The following ENTPD6 variants were observed in gnomAD, a reference collection of about 807,000 sequenced individuals.
The protein encoded by ENTPD6 is ectonucleoside triphosphate diphosphohydrolase 6.
In ENTPD6, 46 loss-of-function variants were observed where a neutral mutation model predicts 61.5. That is an observed-to-expected ratio of 0.75 (90% confidence interval 0.59 to 0.96). The LOEUF (loss-of-function observed/expected upper bound fraction) is 0.96, where lower values mean the gene tolerates loss of function less well. ENTPD6 is among the 40% of genes least tolerant of loss of function. The pLI is 0.00. For missense variants in ENTPD6, 612 were observed against 629.0 expected (o/e 0.97, Z 0.29); for synonymous variants, 252 against 255.5 (o/e 0.99, Z 0.13).
rs41310173 is a variant in ENTPD6 at position 25,226,033 on chromosome 20, G to A, written c.*436G>A. On this transcript the variant is annotated 3_prime_UTR_variant, in exon 15 of 15. Transcript: ENST00000376652. Reference sequence around the variant, plus strand: ...CCCTTCCTGCAAGAGTCTGGGAGGCGGTGCAGGCTGTCCTGGCTGCTCTGG... The same window carrying A: ...CCCTTCCTGCAAGAGTCTGGGAGGCAGTGCAGGCTGTCCTGGCTGCTCTGG... 4,837 of 157,134 alleles carry A rather than the reference G, an allele frequency of 0.031. 90 individuals carry two copies. Among genetic ancestry groups the A allele is most frequent in the Middle Eastern group, 0.048 (15 of 310 alleles). 9.7% of individuals were successfully genotyped at this position (157,134 alleles called of 1,614,324 possible). A position where few individuals can be genotyped will look rare whatever the true frequency, so the allele number is the denominator to read the frequency against.
chr20:25,213,479 T>C (rs1445973353), intron 5 of ENTPD6, 73 bp downstream of exon 5: 6 of 1,478,432 alleles, frequency 4.1e-6, no homozygotes, highest in Non-Finnish European at 4.6e-6. Context: ...AACTGCTGTC[T>C]CACCAGTGCC....
chr20:25,203,750 G>A (rs1176384990), intron 1 of ENTPD6, among the ~76,000 whole-genome samples: 1 of 152,164 alleles, frequency 6.6e-6, no homozygotes, highest in Non-Finnish European at 1.5e-5. Flanking sequence ...TCAGGGATGG[G>A]TTCTGCCACT....
chr20:25,212,071 A>G (rs1469982329), intron 4 of ENTPD6, among the ~76,000 whole-genome samples: 1 of 152,202 alleles, frequency 6.6e-6, no homozygotes, highest in Non-Finnish European at 1.5e-5. Flanking sequence ...CGGCCTCCCA[A>G]GATGAATTAC....
At chr20:25,223,013 G>A (rs756369340) in intron 12 of ENTPD6, 35 bp downstream of exon 12, 36 of 1,564,400 alleles carry the variant, frequency 2.3e-5, no homozygotes, top group Middle Eastern at 2.3e-4. Context: ...CAGGAAGGTC[G>A]GGGCGGCAGG....
intron 1 of ENTPD6, among the ~76,000 whole-genome samples, chr20:25,198,472 ACT>A (rs2090720944): frequency 6.6e-6 from 1 of 151,244 alleles, no homozygotes; most frequent in Non-Finnish European, 1.5e-5. Flanking sequence ...AGAGAGTGAG[ACT>A]CTGTCTCAAA....
At chr20:25,217,881 C>A (rs933893124) in intron 9 of ENTPD6, among the ~76,000 whole-genome samples, 2 of 144,812 alleles carry the variant, frequency 1.4e-5, no homozygotes, top group African/African-American at 5.2e-5. Flanking sequence ...TAACCCAGAC[C>A]TCTCTCTCCT....
chr20:25,224,162 G>A lies in ENTPD6; in HGVS notation c.1243+5G>A, dbSNP rs1388961139. On this transcript the variant is annotated splice_donor_5th_base_variant and intron_variant, in intron 13 of 14. Transcript: ENST00000376652. Reference sequence around the variant, plus strand: ...TCGAGATCGCAGCCAAGTACGGTGAGTGATGCTGCAGGGGCCATCTCAGCA... The same window carrying A: ...TCGAGATCGCAGCCAAGTACGGTGAATGATGCTGCAGGGGCCATCTCAGCA... The A allele has an allele frequency of 4.3e-6, 7 of 1,611,496 alleles. No individual in the cohort carries two copies. The highest frequency in any genetic ancestry group is 2.2e-5 in the East Asian group (1 of 44,750).
At position 25,218,044 on chromosome 20, in the gene ENTPD6, C is replaced by A. The variant is rs61427951; in HGVS notation, c.878+463C>A. 7.6e-3 allele frequency among the ~76,000 whole-genome samples: 1,061 copies of A among 139,406 alleles called. 17 individuals carry two copies. Among genetic ancestry groups the A allele is most frequent in the African/African-American group, 0.029 (988 of 33,686 alleles). The allele number at this position is 139,406 out of a possible 152,430, so 91.5% of individuals were successfully genotyped here. Reference sequence around the variant, plus strand: ...AATGTGTCTACAGTATACGCACATTCACCCAGACCTCTCTCTCCTCCTCCT... The same window carrying A: ...AATGTGTCTACAGTATACGCACATTAACCCAGACCTCTCTCTCCTCCTCCT... On this transcript the variant is annotated intron_variant, in intron 9 of 14. Transcript: ENST00000376652.
intron 1 of ENTPD6, among the ~76,000 whole-genome samples, chr20:25,205,709 T>A (rs1222188500): frequency 6.6e-6 from 1 of 152,180 alleles, no homozygotes; most frequent in Non-Finnish European, 1.5e-5. Context: ...TTTTCCTGTC[T>A]CCTGCTCCAG....
Position 25,225,781 on chromosome 20 carries a change from G to T in ENTPD6, c.*184G>T, listed in dbSNP as rs2092782196. 1 of 587,510 alleles carries T rather than the reference G, an allele frequency of 1.7e-6. No individual in the cohort carries two copies. Among genetic ancestry groups the T allele is most frequent in the Non-Finnish European group, 3.0e-6 (1 of 332,436 alleles). The allele number at this position is 587,510 out of a possible 1,614,324, so 36.4% of individuals were successfully genotyped here. ...CATCAGCCTCTTCCAGTCACATCTGGCCAGAGGGCTGTCTGGACCTGGGCC... is the reference window on the plus strand; with the variant it reads ...CATCAGCCTCTTCCAGTCACATCTGTCCAGAGGGCTGTCTGGACCTGGGCC... On this transcript the variant is annotated 3_prime_UTR_variant, in exon 15 of 15. Transcript: ENST00000376652.
In ENTPD6 at chr20:25,221,226, T is replaced by C; in HGVS notation, c.944-6T>C. On this transcript the variant is annotated splice_region_variant and splice_polypyrimidine_tract_variant and intron_variant, in intron 10 of 14. Coordinates refer to ENST00000376652, the MANE Select transcript of ENTPD6 (RefSeq NM_001247.5). ...CTTTCTCTTTCCTTTTTAATCTCTG[T>C]TTCAGCTAAGGATGGAAAGGAGTTG... 6.2e-7 allele frequency: 1 copy of C among 1,608,990 alleles called. No individual in the cohort carries two copies. The highest frequency in any genetic ancestry group is 8.5e-7 in the Non-Finnish European group (1 of 1,175,848).
At chr20:25,217,698 A>T in intron 9 of ENTPD6, 117 bp downstream of exon 9, 1 of 862,226 alleles carries the variant, frequency 1.2e-6, no homozygotes, top group South Asian at 1.5e-5. Flanking sequence ...TGTGCTGGGA[A>T]TCCACCCAGA....
At chr20:25,220,535 G>A (rs561309351) in intron 10 of ENTPD6, among the ~76,000 whole-genome samples, 2 of 152,152 alleles carry the variant, frequency 1.3e-5, no homozygotes, top group African/African-American at 2.4e-5. Context: ...GTCTGTGCAC[G>A]TGCCTGTCGC....
chr20:25,224,172 A>G lies in ENTPD6; in HGVS notation c.1243+15A>G, dbSNP rs763296234. ...AGCCAAGTACGGTGAGTGATGCTGC[A>G]GGGGCCATCTCAGCAGGGGCAGGCG... On this transcript the variant is annotated intron_variant, in intron 13 of 14. Coordinates refer to ENST00000376652, the MANE Select transcript of ENTPD6 (RefSeq NM_001247.5). 2 of 1,609,726 alleles carry G rather than the reference A, an allele frequency of 1.2e-6. No homozygotes were observed. The highest frequency in any genetic ancestry group is 2.2e-5 in the South Asian group (2 of 90,458).
At chr20:25,207,834 C>T (rs530550403) in intron 3 of ENTPD6, among the ~76,000 whole-genome samples, 1 of 152,336 alleles carries the variant, frequency 6.6e-6, no homozygotes, top group South Asian at 2.1e-4. Flanking sequence ...GCCAAGATGG[C>T]CAGGGGCAAC....
intron 11 of ENTPD6, chr20:25,222,617 T>C: frequency 1.9e-6 from 1 of 516,660 alleles, no homozygotes; most frequent in South Asian, 2.8e-5. Flanking sequence ...CCCACGGTCT[T>C]CACTCCCTGC....
Position 25,209,447 on chromosome 20 carries a change from A to G in ENTPD6, c.377-402A>G, listed in dbSNP as rs538424365. Among the ~76,000 whole-genome samples the G allele has an allele frequency of 2.6e-5, 4 of 152,108 alleles. No individual in the cohort carries two copies. In the South Asian group the frequency reaches 8.3e-4, roughly 32 times the overall value. ...TCTTAAAAGGTAAAATGCAGGGCAC[A>G]TAGCTTGCACCTGTAGTCCCAGCTA... On this transcript the variant is annotated intron_variant, in intron 3 of 14. Transcript: ENST00000376652.
chr20:25,217,558 G>A lies in ENTPD6; in HGVS notation c.855G>A (p.Arg285=). The A allele has an allele frequency of 1.2e-6, 2 of 1,614,170 alleles. No homozygotes were observed. The highest frequency in any genetic ancestry group is 1.7e-6 in the Non-Finnish European group (2 of 1,180,016). ...GYLTALRMFN[R]TYKLYSYSYL... Reference sequence around the variant, plus strand: ...TGACGGCACTGCGGATGTTTAACAGGACCTACAAGCTCTATTCCTACAGGT... The same window carrying A: ...TGACGGCACTGCGGATGTTTAACAGAACCTACAAGCTCTATTCCTACAGGT... The change falls in exon 9 of 15, where the codon AGG becomes AGA. Residue 285 remains arginine, a synonymous_variant. Transcript: ENST00000376652.
chr20:25,196,207 T>A (rs2090385115), intron 1 of ENTPD6: 1 of 1,182,200 alleles, frequency 8.5e-7, no homozygotes, highest in Non-Finnish European at 1.0e-6. Flanking sequence ...CCCTCCGCCC[T>A]GGATGAGCCC....
Sources: gnomAD v4.1 joint callset for allele counts (sites outside exome capture counted in the v4.1 genomes callset) on GRCh38, gnomAD v4.1.1 for gene constraint, MANE v1.5 for transcripts, NCBI Gene and HGNC (gene_info 2026-07-23, HGNC 2026-07-21) for gene names.